Variants in SPECC1 observed in about 807,000 individuals in gnomAD.
The protein encoded by SPECC1 is sperm antigen with calponin homology and coiled-coil domains 1, also known as cytospin-B.
In SPECC1, 62 loss-of-function variants were observed where a neutral mutation model predicts 104.1. The ratio of observed to expected loss-of-function variants is 0.60; its 90% CI spans 0.49 to 0.74. The LOEUF is 0.74. Among genes scored for constraint, SPECC1 ranks in the 30% least tolerant of loss-of-function variants. SPECC1 has a pLI of 0.00. For synonymous variants in SPECC1, 513 were observed against 501.6 expected (o/e 1.02, Z -0.30); for missense variants, 1,306 against 1,310.5 (o/e 1.00, Z 0.05).
intron 7 of SPECC1, among the ~76,000 whole-genome samples, chr17:20,235,457 C>T (rs1307975434): frequency 1.4e-4 from 21 of 152,156 alleles, no homozygotes; most frequent in Admixed American, 1.4e-3. Context: ...TGAAATGAAC[C>T]CGTCACATCT....
intron 3 of SPECC1, among the ~76,000 whole-genome samples, chr17:20,202,741 T>C (rs983053416): frequency 1.3e-5 from 2 of 152,192 alleles, no homozygotes; most frequent in African/African-American, 4.8e-5. Context: ...TAGTTAAGTT[T>C]CTGGGGAGCC....
intron 12 of SPECC1, among the ~76,000 whole-genome samples, chr17:20,289,061 G>A (rs568883489): frequency 6.6e-6 from 1 of 152,146 alleles, no homozygotes; most frequent in Non-Finnish European, 1.5e-5. Flanking sequence ...GGGATTATAG[G>A]CATGAGCCGC....
chr17:20,222,817 TTTTG>T (rs1007570935), intron 4 of SPECC1, among the ~76,000 whole-genome samples: 1 of 152,168 alleles, frequency 6.6e-6, no homozygotes, highest in African/African-American at 2.4e-5. Context: ...ATTTCTTAGG[TTTTG>T]TTTGTCTGGG....
chr17:20,209,617 T>C (rs918997667), intron 4 of SPECC1, among the ~76,000 whole-genome samples: 3 of 152,124 alleles, frequency 2.0e-5, no homozygotes, highest in Admixed American at 6.5e-5. Context: ...TTCTCTGATA[T>C]ACCCCATATG....
At chr17:20,098,753 C>T (rs1221008482) in intron 2 of SPECC1, among the ~76,000 whole-genome samples, 1 of 152,202 alleles carries the variant, frequency 6.6e-6, no homozygotes, top group Admixed American at 6.5e-5. Context: ...TCCTCCTCCT[C>T]CTGCTGCCTT....
At chr17:20,187,159 A>G (rs546825407) in intron 3 of SPECC1, among the ~76,000 whole-genome samples, 1 of 152,198 alleles carries the variant, frequency 6.6e-6, no homozygotes, top group East Asian at 1.9e-4. Context: ...AGCACTCAGA[A>G]TGTTTAGGGT....
chr17:20,158,561 C>G (rs886460870), intron 3 of SPECC1, among the ~76,000 whole-genome samples: 1 of 152,194 alleles, frequency 6.6e-6, no homozygotes, highest in Non-Finnish European at 1.5e-5. Context: ...GCAAAGCCCA[C>G]CCATTAGAGG....
chr17:20,216,143 A>C (rs1057174070), intron 4 of SPECC1, among the ~76,000 whole-genome samples: 1 of 152,160 alleles, frequency 6.6e-6, no homozygotes, highest in African/African-American at 2.4e-5. Flanking sequence ...CTGAGACCAA[A>C]CCCTACCCTT....
chr17:20,291,183 G>A (rs2041150541), intron 12 of SPECC1, among the ~76,000 whole-genome samples: 2 of 152,140 alleles, frequency 1.3e-5, no homozygotes, highest in African/African-American at 4.8e-5. Context: ...TCAGAAAATG[G>A]GGTTCTAGTT....
chr17:20,086,708 C>T (rs2047191203), intron 1 of SPECC1, among the ~76,000 whole-genome samples: 1 of 152,166 alleles, frequency 6.6e-6, no homozygotes. Flanking sequence ...CAGACCTCTC[C>T]ATCCATGGGT....
chr17:20,026,276 T>A (rs1287366787), intron 1 of SPECC1, among the ~76,000 whole-genome samples: 1 of 152,100 alleles, frequency 6.6e-6, no homozygotes, highest in African/African-American at 2.4e-5. Flanking sequence ...AATGATTGAA[T>A]CAGGGTAATT....
At chr17:20,144,349 C>G (rs1381966186) in intron 3 of SPECC1, among the ~76,000 whole-genome samples, 3 of 151,706 alleles carry the variant, frequency 2.0e-5, no homozygotes, top group Middle Eastern at 3.4e-3. Flanking sequence ...TACCATCATG[C>G]TCGGCTAATT....
intron 12 of SPECC1, among the ~76,000 whole-genome samples, chr17:20,280,239 G>A (rs1477642661): frequency 6.6e-6 from 1 of 152,238 alleles, no homozygotes; most frequent in Admixed American, 6.5e-5. Flanking sequence ...AAAGCTAGCA[G>A]TGACAAAATA....
intron 3 of SPECC1, chr17:20,112,113 G>T: frequency 1.3e-6 from 1 of 764,594 alleles, no homozygotes; most frequent in East Asian, 2.5e-5. Context: ...TGCTGGAGGG[G>T]CGGTACTTTA....
At chr17:20,295,202 G>A (rs1439695204) in intron 12 of SPECC1, among the ~76,000 whole-genome samples, 2 of 127,270 alleles carry the variant, frequency 1.6e-5, no homozygotes, top group African/African-American at 3.1e-5. Context: ...CCCGGTGTGT[G>A]TTGTTCCCTA....
chr17:20,103,279 G>A (rs2048027820), intron 2 of SPECC1, among the ~76,000 whole-genome samples: 1 of 152,056 alleles, frequency 6.6e-6, no homozygotes, highest in Non-Finnish European at 1.5e-5. Context: ...CCTCTTCTGT[G>A]AGGTCTTGGG....
chr17:20,273,014 G>A (rs2040458717), intron 12 of SPECC1, among the ~76,000 whole-genome samples: 2 of 152,156 alleles, frequency 1.3e-5, no homozygotes, highest in South Asian at 4.1e-4. Context: ...CCCCCTCCCT[G>A]GCCTGCGTAT....
At chr17:20,094,900 T>A (rs1236647829) in intron 1 of SPECC1, among the ~76,000 whole-genome samples, 1 of 152,236 alleles carries the variant, frequency 6.6e-6, no homozygotes, top group Non-Finnish European at 1.5e-5. Context: ...GTGCCTGGAC[T>A]GTAATAGTCA....
At chr17:20,084,903 C>T (rs548296041) in intron 1 of SPECC1, among the ~76,000 whole-genome samples, 1 of 152,308 alleles carries the variant, frequency 6.6e-6, no homozygotes, top group East Asian at 1.9e-4. Context: ...CACAGGGAAA[C>T]AGTCTTTGTC....
Sources: allele counts gnomAD v4.1 joint callset (sites outside exome capture counted in the v4.1 genomes callset), GRCh38; gene constraint gnomAD v4.1.1; transcripts MANE v1.5; gene names NCBI Gene and HGNC (gene_info 2026-07-23, HGNC 2026-07-21).